The following PTPRN2 variants were observed in gnomAD, a reference collection of about 807,000 sequenced individuals.
The protein encoded by PTPRN2 is protein tyrosine phosphatase receptor type N2, also known as receptor-type tyrosine-protein phosphatase N2.
A neutral mutation model predicts 118.8 loss-of-function variants in PTPRN2; 74 were observed. The observed-to-expected ratio is 0.62, with a 90% CI of 0.52 to 0.76. The LOEUF (loss-of-function observed/expected upper bound fraction) is 0.76, where lower values mean the gene tolerates loss of function less well. PTPRN2 is among the 30% of genes least tolerant of loss of function. The pLI is 0.00. For missense variants in PTPRN2, 1,481 were observed against 1,394.4 expected (o/e 1.06, Z -0.99); for synonymous variants, 641 against 608.0 (o/e 1.05, Z -0.80).
rs559075556 is a variant in PTPRN2 at position 158,205,174 on chromosome 7, G to A, written c.377C>T (p.Ala126Val). 1.9e-6 allele frequency: 3 copies of A among 1,612,708 alleles called. No individual in the cohort carries two copies. The highest frequency in any genetic ancestry group is 1.3e-5 in the African/African-American group (1 of 75,034). The stretch of plus-strand genomic sequence containing the variant: ...AACAAGCCACGTCCACACTTACCTG[G>A]CTGGGCTGGATGCTTCAGGACGCCT... Reference protein sequence around the residue: ...YLRRPEASSPARPSKHSVGSE... With the variant: ...YLRRPEASSPVRPSKHSVGSE... The change falls in exon 4 of 23, where the codon GCC becomes GTC. Residue 126 changes from alanine to valine, a missense_variant. Physicochemically the swap from Ala to Val is moderately conservative, Grantham distance 64. Around this residue, in one of 3 missense-constraint regions of PTPRN2, gnomAD observed 1,115 missense variants for 994.2 expected, o/e 1.12. Transcript: ENST00000389418.
intron 12 of PTPRN2, among the ~76,000 whole-genome samples, chr7:157,839,840 ACTG>A: frequency 7.3e-6 from 1 of 137,026 alleles, no homozygotes; most frequent in South Asian, 2.4e-4. Context: ...GCCACGTGTG[ACTG>A]TGTGACTGTG....
intron 1 of PTPRN2, among the ~76,000 whole-genome samples, chr7:158,549,575 C>T (rs73510568): frequency 0.049 from 7,470 of 152,376 alleles, 591 homozygotes; most frequent in African/African-American, 0.16. Flanking sequence ...CCTGCGGAGG[C>T]TGGGCTTCGC....
chr7:157,711,725 G>A (rs10250901), intron 12 of PTPRN2, among the ~76,000 whole-genome samples: 1 of 151,492 alleles, frequency 6.6e-6, no homozygotes. Context: ...CCTGGTCTCC[G>A]TCACTGGGAC....
At chr7:158,349,907 C>A (rs1214252829) in intron 2 of PTPRN2, among the ~76,000 whole-genome samples, 1 of 152,046 alleles carries the variant, frequency 6.6e-6, no homozygotes, top group Non-Finnish European at 1.5e-5. Context: ...GAGGGCCCCC[C>A]GGGCCACATG....
In PTPRN2 at chr7:157,784,143, T is replaced by C. The variant is rs939184404; in HGVS notation, c.1789-101206A>G. On this transcript the variant is annotated intron_variant, in intron 12 of 22. Coordinates refer to ENST00000389418, the MANE Select transcript of PTPRN2 (RefSeq NM_002847.5). The surrounding 1 kb of genome is among the most constrained non-coding windows in gnomAD (Gnocchi z 4.6). ...TCCAGGGACTATTCCTAAATTCTGC[T>C]TGTGGGCAGGGCACAGGCAGCTCAA... Among the ~76,000 whole-genome samples the C allele has an allele frequency of 6.6e-5, 10 of 152,116 alleles. 1 individual carries two copies. The highest frequency in any genetic ancestry group is 1.5e-5 in the Non-Finnish European group (1 of 68,016).
intron 2 of PTPRN2, among the ~76,000 whole-genome samples, chr7:158,420,009 C>T (rs1384801666): frequency 6.6e-6 from 1 of 152,154 alleles, no homozygotes; most frequent in Non-Finnish European, 1.5e-5. Context: ...GTCATGTTGG[C>T]CACTGTTACA....
chr7:157,621,288 G>A (rs1013268555), intron 15 of PTPRN2, 74 bp downstream of exon 15: 4 of 1,508,400 alleles, frequency 2.7e-6, no homozygotes, highest in African/African-American at 2.9e-5. Context: ...CCTCGGGCCT[G>A]GTATGTACAG....
At chr7:158,125,550 A>G (rs954934404) in intron 9 of PTPRN2, among the ~76,000 whole-genome samples, 6 of 152,176 alleles carry the variant, frequency 3.9e-5, no homozygotes, top group African/African-American at 1.4e-4. Context: ...AACCGTGAAC[A>G]TGTTTACCCA....
At chr7:157,875,323 C>A (rs747887425) in intron 12 of PTPRN2, among the ~76,000 whole-genome samples, 1 of 152,146 alleles carries the variant, frequency 6.6e-6, no homozygotes, top group Non-Finnish European at 1.5e-5. Context: ...CCGTGAGAGC[C>A]GAGGGAGCGC....
At chr7:157,803,849 T>C (rs190532078) in intron 12 of PTPRN2, among the ~76,000 whole-genome samples, 11 of 152,142 alleles carry the variant, frequency 7.2e-5, no homozygotes, top group African/African-American at 2.6e-4. Context: ...TTGGGAACTG[T>C]TGCATGATTT....
chr7:158,161,205 G>A (rs1822327182), intron 6 of PTPRN2, among the ~76,000 whole-genome samples: 1 of 152,084 alleles, frequency 6.6e-6, no homozygotes, highest in African/African-American at 2.4e-5. Flanking sequence ...TCATTTTTTG[G>A]ATACAAGCAA....
chr7:158,104,206 G>A (rs1386688307), intron 10 of PTPRN2, among the ~76,000 whole-genome samples: 3 of 152,208 alleles, frequency 2.0e-5, no homozygotes, highest in Non-Finnish European at 4.4e-5. Context: ...TCCTGCCTGA[G>A]ATTTCTTTTC....
intron 17 of PTPRN2, among the ~76,000 whole-genome samples, chr7:157,589,186 G>A (rs1336900387): frequency 1.3e-5 from 2 of 152,162 alleles, no homozygotes; most frequent in African/African-American, 4.8e-5. Flanking sequence ...ACGCCTCCGG[G>A]GACCCCATGA....
At chr7:158,389,022 C>T (rs952811154) in intron 2 of PTPRN2, among the ~76,000 whole-genome samples, 1 of 152,358 alleles carries the variant, frequency 6.6e-6, no homozygotes, top group Middle Eastern at 3.4e-3. Context: ...ACCATGGAGG[C>T]TTGATTTCAC....
chr7:157,563,474 C>T (rs1393106668), intron 21 of PTPRN2, among the ~76,000 whole-genome samples: 5 of 109,762 alleles, frequency 4.6e-5, no homozygotes, highest in African/African-American at 1.1e-4. Flanking sequence ...CGTGCTCCCA[C>T]GTCACCACAC....
At chr7:158,390,286 C>T (rs1811824646) in intron 2 of PTPRN2, among the ~76,000 whole-genome samples, 1 of 152,218 alleles carries the variant, frequency 6.6e-6, no homozygotes, top group Non-Finnish European at 1.5e-5. Context: ...CAGGGGCAGC[C>T]GGCACCTGGA....
intron 11 of PTPRN2, among the ~76,000 whole-genome samples, chr7:157,975,660 A>C (rs955506466): frequency 6.6e-6 from 1 of 152,200 alleles, no homozygotes; most frequent in African/African-American, 2.4e-5. Flanking sequence ...CAGGCTTGGC[A>C]TAAATCAGCC....
intron 2 of PTPRN2, among the ~76,000 whole-genome samples, chr7:158,340,398 T>C (rs1195205656): frequency 1.3e-4 from 9 of 66,942 alleles, no homozygotes; most frequent in Admixed American, 3.6e-4. Context: ...CCATAAGAGC[T>C]GACACCCGCA....
At chr7:158,518,520 C>A (rs1163464258) in intron 1 of PTPRN2, among the ~76,000 whole-genome samples, 1 of 152,130 alleles carries the variant, frequency 6.6e-6, no homozygotes, top group Non-Finnish European at 1.5e-5. Context: ...AAGGATACGG[C>A]TCAAGCTCCA....
Sources: allele counts gnomAD v4.1 joint callset (sites outside exome capture counted in the v4.1 genomes callset), GRCh38; gene constraint gnomAD v4.1.1; regional missense constraint gnomAD v4.1.1; non-coding constraint Gnocchi (gnomAD v3.1); transcripts MANE v1.5; gene names NCBI Gene and HGNC (gene_info 2026-07-23, HGNC 2026-07-21).